Variants in C15orf40 observed in about 807,000 individuals in gnomAD.
C15orf40 encodes the protein UPF0235 protein C15orf40.
In C15orf40, 9 loss-of-function variants were observed where a neutral mutation model predicts 13.9. The observed-to-expected ratio is 0.65, with a 90% CI of 0.39 to 1.13. C15orf40 has a LOEUF of 1.13. C15orf40 is among the 50% of genes most tolerant of loss of function. The pLI is 0.01. For synonymous variants in C15orf40, 95 were observed against 69.2 expected (o/e 1.37, Z -1.85); for missense variants, 225 against 188.5 (o/e 1.19, Z -1.13).
At chr15:82,992,072 T>C (rs1238964691), downstream of C15orf40, 1 of 450,588 alleles carries the variant, frequency 2.2e-6, no homozygotes, top group East Asian at 7.0e-5. Flanking sequence ...TAAAATTAGC[T>C]GGGTGTGGTG....
rs114478510 is a variant in C15orf40, at chr15:83,011,561, T to C, written c.47A>G (p.Asn16Ser). The C allele has an allele frequency of 3.1e-6, 5 of 1,605,782 alleles. No homozygotes were observed. Among genetic ancestry groups the C allele is most frequent in the South Asian group, 1.1e-5 (1 of 90,906 alleles). The change falls in exon 1 of 4, where the codon AAT (asparagine) becomes AGT (serine). Residue 16 changes from asparagine (N) to serine (S), a missense_variant. Transcript: ENST00000304177. ...SGLRHLRATP[N>S]TRGSARLLCA... The stretch of plus-strand genomic sequence containing the variant: ...AAGAAGCCGAGCGGAGCCCCGAGTA[T>C]TGGGTGTTGCCCGAAGGTGCCTCAG...
chr15:83,001,384 G>A lies in C15orf40; in HGVS notation c.*4213C>T. 1 of 774,726 alleles carries A rather than the reference G, an allele frequency of 1.3e-6. No homozygotes were observed. The highest frequency in any genetic ancestry group is 1.6e-6 in the Non-Finnish European group (1 of 637,812). The allele number at this position is 774,726 out of a possible 1,614,324, so 48.0% of individuals were successfully genotyped here. ...AGTAATTATCATTTATTAAGGTGCG[G>A]GTGATAGATGACAGATGCAGTGCTA... On this transcript the variant is annotated 3_prime_UTR_variant, in exon 4 of 4. Coordinates refer to ENST00000304177, the MANE Select transcript of C15orf40 (RefSeq NM_144597.3).
chr15:82,996,653 TAAAATAAAA>T lies in C15orf40; in HGVS notation c.*8935_*8943del, dbSNP rs1262426072. The T allele has an allele frequency of 3.6e-5, 5 of 139,894 alleles. No homozygotes were observed. Among genetic ancestry groups the T allele is most frequent in the Non-Finnish European group, 7.9e-5 (5 of 63,240 alleles). The allele number at this position is 139,894 out of a possible 1,614,324, so 8.7% of individuals were successfully genotyped here. A position where few individuals can be genotyped will look rare whatever the true frequency, so the allele number is the denominator to read the frequency against. ...GTGAGACTCCGTCTCAAAATAAAAT[TAAAATAAAA>T]TAAAATAATAAAATAAAATAAAAAA... On this transcript the variant is annotated 3_prime_UTR_variant, in exon 4 of 4. Transcript: ENST00000304177.
chr15:82,998,830 TGTA>T lies in C15orf40; in HGVS notation c.*6764_*6766del, dbSNP rs1163503435. 1.9e-4 allele frequency: 14 copies of T among 72,830 alleles called. No individual in the cohort carries two copies. Among genetic ancestry groups the T allele is most frequent in the African/African-American group, 9.3e-4 (14 of 15,066 alleles). The allele number at this position is 72,830 out of a possible 1,614,324, so 4.5% of individuals were successfully genotyped here. A position where few individuals can be genotyped will look rare whatever the true frequency, so the allele number is the denominator to read the frequency against. On this transcript the variant is annotated 3_prime_UTR_variant, in exon 4 of 4. Transcript: ENST00000304177. ...GAGGCCAAGGCAGGCGGCTGGGAGGTGTAGGTTGTAGTGAGCCGAGATCACGCC... is the reference window on the plus strand; with the variant it reads ...GAGGCCAAGGCAGGCGGCTGGGAGGTGGTTGTAGTGAGCCGAGATCACGCC...
chr15:82,993,171 C>CA (rs1786593431), downstream of C15orf40, among the ~76,000 whole-genome samples: 1 of 152,142 alleles, frequency 6.6e-6, no homozygotes, highest in Non-Finnish European at 1.5e-5. Flanking sequence ...GGACAATACC[C>CA]ACCCTGCCAC....
chr15:83,011,417 C>T, intron 1 of C15orf40, 80 bp downstream of exon 1: 9 of 1,463,292 alleles, frequency 6.2e-6, no homozygotes, highest in Non-Finnish European at 8.2e-6. Context: ...TCCACTCACT[C>T]CCGGGCCCCG....
Position 83,011,614 on chromosome 15 carries a change from C to G in C15orf40, c.-7G>C, listed in dbSNP as rs1171037721. ...CGCTGCGGAGCCGCAGCATCCCCGC[C>G]TGGGAAGGCGCCGGAAGAGCCCTCT... On this transcript the variant is annotated 5_prime_UTR_variant, in exon 1 of 4. Transcript: ENST00000304177. The G allele has an allele frequency of 1.3e-6, 2 of 1,569,190 alleles. No homozygotes were observed. The highest frequency in any genetic ancestry group is 2.7e-5 in the African/African-American group (2 of 73,172).
At chr15:82,991,822 C>CT, downstream of C15orf40, 1 of 1,176,318 alleles carries the variant, frequency 8.5e-7, no homozygotes. Context: ...GAAGCCAGTG[C>CT]TGTTATATAA....
chr15:82,989,419 G>GT (rs1452477353), downstream of C15orf40, among the ~76,000 whole-genome samples: 1 of 152,068 alleles, frequency 6.6e-6, no homozygotes, highest in Non-Finnish European at 1.5e-5. Context: ...GTTTTTAGAT[G>GT]TTTTTTCTGT....
downstream of C15orf40, chr15:82,990,517 TCAG>T: frequency 4.3e-6 from 3 of 701,108 alleles, no homozygotes; most frequent in Non-Finnish European, 6.9e-6. Context: ...GTACATAACA[TCAG>T]CAGTTGAAAG....
At chr15:82,988,965 A>C, downstream of C15orf40, 1 of 1,520,758 alleles carries the variant, frequency 6.6e-7, no homozygotes, top group East Asian at 2.3e-5. Flanking sequence ...AGAGAGTGTT[A>C]ATTTTTAAAT....
intron 3 of C15orf40, 39 bp from the exon 4 acceptor site, chr15:83,005,731 A>G: frequency 6.3e-7 from 1 of 1,596,548 alleles, no homozygotes; most frequent in Non-Finnish European, 8.5e-7. Flanking sequence ...ACTGTTTAGC[A>G]CATTCTAATG....
chr15:83,005,348 G>A lies in C15orf40; in HGVS notation c.*249C>T, dbSNP rs569759910. 154 of 849,604 alleles carry A rather than the reference G, an allele frequency of 1.8e-4. 1 individual carries two copies. Among genetic ancestry groups the A allele is most frequent in the Non-Finnish European group, 5.4e-5 (37 of 684,230 alleles). 52.6% of individuals were successfully genotyped at this position (849,604 alleles called of 1,614,324 possible). ...TGCCCAGGCTGGAGTGCAACGGCGC[G>A]ATCTCGGCTTACTGCAACCTCCGCC... On this transcript the variant is annotated 3_prime_UTR_variant, in exon 4 of 4. Coordinates refer to ENST00000304177, the MANE Select transcript of C15orf40 (RefSeq NM_144597.3).
chr15:82,998,001 A>C lies in C15orf40; in HGVS notation c.*7596T>G. On this transcript the variant is annotated 3_prime_UTR_variant, in exon 4 of 4. Coordinates refer to ENST00000304177, the MANE Select transcript of C15orf40 (RefSeq NM_144597.3). ...TCCCTCCCGGACGGGGCGGCTGGCC[A>C]GGCGGGGGGCTGACCCCCCCACCTC... 8.4e-6 allele frequency: 1 copy of C among 118,836 alleles called. No homozygotes were observed. Among genetic ancestry groups the C allele is most frequent in the African/African-American group, 3.3e-5 (1 of 30,444 alleles). 7.4% of individuals were successfully genotyped at this position (118,836 alleles called of 1,614,324 possible).
intron 2 of C15orf40, 39 bp downstream of exon 2, chr15:83,010,198 T>C (rs2031917920): frequency 6.2e-7 from 1 of 1,612,776 alleles, no homozygotes; most frequent in Admixed American, 1.7e-5. Context: ...AGGAGACACC[T>C]GATTCACACT....
At chr15:83,008,279 G>A (rs540159629) in intron 3 of C15orf40, 22 of 378,704 alleles carry the variant, frequency 5.8e-5, no homozygotes, top group African/African-American at 4.1e-4. Flanking sequence ...AGCGCTTCGG[G>A]AGGAGAAGGC....
downstream of C15orf40, among the ~76,000 whole-genome samples, chr15:82,992,655 G>A (rs1200584736): frequency 6.6e-6 from 1 of 152,208 alleles, no homozygotes; most frequent in Non-Finnish European, 1.5e-5. Flanking sequence ...AGATGTATGG[G>A]TCCAAGGCCA....
chr15:83,011,269 G>T, intron 1 of C15orf40: 1 of 463,154 alleles, frequency 2.2e-6, no homozygotes, highest in Non-Finnish European at 3.7e-6. Flanking sequence ...CTGCCGCCGG[G>T]CCCAGCGCTC....
chr15:82,998,433 A>G lies in C15orf40; in HGVS notation c.*7164T>C, dbSNP rs1596402179. ...CTCAGACGGGGTGGTTGCCAGGCAG[A>G]GGGTCTCCTCACTTCTCAGACGGGG... is the stretch of plus-strand genomic sequence containing the variant. On this transcript the variant is annotated 3_prime_UTR_variant, in exon 4 of 4. Transcript: ENST00000304177. The G allele has an allele frequency of 1.2e-5, 1 of 81,656 alleles. No individual in the cohort carries two copies. Among genetic ancestry groups the G allele is most frequent in the Non-Finnish European group, 2.4e-5 (1 of 41,526 alleles). 5.1% of individuals were successfully genotyped at this position (81,656 alleles called of 1,614,324 possible). A position where few individuals can be genotyped will look rare whatever the true frequency, so the allele number is the denominator to read the frequency against.
Sources: allele counts gnomAD v4.1 joint callset (sites outside exome capture counted in the v4.1 genomes callset), GRCh38; gene constraint gnomAD v4.1.1; transcripts MANE v1.5; gene names NCBI Gene and HGNC (gene_info 2026-07-23, HGNC 2026-07-21).